GALNT2: variants seen among roughly 807,000 people sequenced by gnomAD.
GALNT2 encodes the protein UDP-GalNAc:polypeptide N-acetylgalactosaminyltransferase 2.
In GALNT2, 31 loss-of-function variants were observed where a neutral mutation model predicts 81.4. The observed-to-expected ratio is 0.38, with a 90% CI of 0.29 to 0.51. The LOEUF is 0.51. GALNT2 is among the 20% of genes least tolerant of loss of function. The pLI is 0.87. For missense variants in GALNT2, 629 were observed against 765.7 expected, an observed-to-expected ratio of 0.82 and a Z score of 2.11; for synonymous variants, 303 against 287.4, an observed-to-expected ratio of 1.05 and a Z score of -0.55.
rs890272166 is a variant in GALNT2 at position 230,281,132 on chromosome 1, G to A, written c.*1674G>A. The A allele has an allele frequency of 3.3e-5, 5 of 152,316 alleles. No homozygotes were observed. The highest frequency in any genetic ancestry group is 1.2e-4 in the African/African-American group (5 of 41,444). 9.4% of individuals were successfully genotyped at this position (152,316 alleles called of 1,614,324 possible). A position where few individuals can be genotyped will look rare whatever the true frequency, so the allele number is the denominator to read the frequency against. On this transcript the variant is annotated 3_prime_UTR_variant, in exon 16 of 16. Coordinates refer to ENST00000366672, the MANE Select transcript of GALNT2 (RefSeq NM_004481.5). ...GTTAGGAGCCACCCTGGGAGGTTGTGCCGGTGCCATGCTCCTCCCTGTGTC... is the reference window on the plus strand; with the variant it reads ...GTTAGGAGCCACCCTGGGAGGTTGTACCGGTGCCATGCTCCTCCCTGTGTC...
At chr1:230,163,585 A>G (rs1662504482) in intron 1 of GALNT2, among the ~76,000 whole-genome samples, 1 of 152,222 alleles carries the variant, frequency 6.6e-6, no homozygotes, top group Non-Finnish European at 1.5e-5. Flanking sequence ...GTGGATAGAA[A>G]ACATGGTTCC....
chr1:230,269,207 A>C, intron 14 of GALNT2, among the ~76,000 whole-genome samples: 1 of 109,422 alleles, frequency 9.1e-6, no homozygotes, highest in African/African-American at 3.9e-5. Flanking sequence ...TTTTTTTGAG[A>C]CGGAGTTTGG....
intron 1 of GALNT2, among the ~76,000 whole-genome samples, chr1:230,069,790 C>T (rs1659318355): frequency 2.8e-5 from 1 of 36,200 alleles, no homozygotes; most frequent in Non-Finnish European, 5.2e-5. Flanking sequence ...AATTTAAAAG[C>T]TAGCTATAGT....
intron 1 of GALNT2, among the ~76,000 whole-genome samples, chr1:230,087,877 T>C (rs1489580814): frequency 6.6e-6 from 1 of 152,220 alleles, no homozygotes; most frequent in African/African-American, 2.4e-5. Context: ...TACTGGACGA[T>C]GCTTTTAGCT....
At position 230,203,147 on chromosome 1, in the gene GALNT2, G is replaced by C. The variant is rs967239223; in HGVS notation, c.231G>C (p.Arg77=). 3 of 1,613,946 alleles carry C rather than the reference G, an allele frequency of 1.9e-6. No homozygotes were observed. The highest frequency in any genetic ancestry group is 1.7e-5 in the Admixed American group (1 of 60,022). The change falls in exon 3 of 16, where the codon CGG becomes CGC. Residue 77 remains arginine, a synonymous_variant. Transcript: ENST00000366672. Reference sequence around the variant, plus strand: ...CTCTGCTCTTTTTAGGGAAAGTACGGTGGCCAGACTTTAACCAGGAAGCTT... The same window carrying C: ...CTCTGCTCTTTTTAGGGAAAGTACGCTGGCCAGACTTTAACCAGGAAGCTT... ...SMETLPPGKV[R]WPDFNQEAYV...
rs78030300 is a variant in GALNT2, at chr1:230,274,404, C to T, written c.1441-41C>T. The T allele has an allele frequency of 6.4e-3, 10,238 of 1,602,746 alleles. 216 individuals are homozygous for T. The African/African-American group carries it at 0.064, about 10-fold the overall frequency. On this transcript the variant is annotated intron_variant, in intron 14 of 15. Transcript: ENST00000366672. Reference sequence around the variant, plus strand: ...ATGCCCCTTCTTTCCTTTCACAGCCCGGTGCATAGCACGCCTCTGACTTCT... The same window carrying T: ...ATGCCCCTTCTTTCCTTTCACAGCCTGGTGCATAGCACGCCTCTGACTTCT...
intron 1 of GALNT2, among the ~76,000 whole-genome samples, chr1:230,161,798 G>A (rs968104870): frequency 6.6e-6 from 1 of 152,154 alleles, no homozygotes; most frequent in Non-Finnish European, 1.5e-5. Flanking sequence ...GGCCATAACT[G>A]ATCTCATTAC....
At position 230,246,157 on chromosome 1, in the gene GALNT2, G is replaced by A. The variant is rs1019577400; in HGVS notation, c.817+7G>A. 5.0e-6 allele frequency: 8 copies of A among 1,606,440 alleles called. No homozygotes were observed. Among genetic ancestry groups the A allele is most frequent in the Non-Finnish European group, 6.8e-6 (8 of 1,173,018 alleles). On this transcript the variant is annotated splice_region_variant and intron_variant, in intron 8 of 15. Coordinates refer to ENST00000366672, the MANE Select transcript of GALNT2 (RefSeq NM_004481.5). ...TCTGCTGACTTGAAGGGCGGTAGGT[G>A]TCTGTCATGGTGCCCCTGCCTAGCT...
At chr1:230,088,787 T>C (rs113638586) in intron 1 of GALNT2, among the ~76,000 whole-genome samples, 4,337 of 152,184 alleles carry the variant, frequency 0.028, 96 homozygotes, top group South Asian at 0.065. Flanking sequence ...TCCACCTGCC[T>C]CAGCCTTCCA....
chr1:230,107,575 T>TA (rs5781564), intron 1 of GALNT2, among the ~76,000 whole-genome samples: 59,529 of 145,830 alleles, frequency 0.41, 12,040 homozygotes, highest in South Asian at 0.52. Context: ...GCAAGAATGT[T>TA]AAAAAAAAAA....
intron 4 of GALNT2, 44 bp downstream of exon 4, chr1:230,236,156 T>C: frequency 1.3e-6 from 2 of 1,579,778 alleles, no homozygotes; most frequent in Non-Finnish European, 1.7e-6. Context: ...GTTAAGACAT[T>C]AGCTGTGTCC....
chr1:230,217,395 G>T (rs920154432), intron 3 of GALNT2, among the ~76,000 whole-genome samples: 1 of 152,206 alleles, frequency 6.6e-6, no homozygotes, highest in Admixed American at 6.5e-5. Context: ...AAGAGGTAGT[G>T]TGCCAGGCCT....
chr1:230,131,477 T>C (rs55921197), intron 1 of GALNT2, among the ~76,000 whole-genome samples: 21,121 of 152,228 alleles, frequency 0.14, 1,522 homozygotes, highest in South Asian at 0.23. Context: ...CTTTCATGTA[T>C]TGATTTATGA....
At chr1:230,160,339 G>A (rs996117656) in intron 1 of GALNT2, among the ~76,000 whole-genome samples, 3 of 152,286 alleles carry the variant, frequency 2.0e-5, no homozygotes, top group East Asian at 3.9e-4. Context: ...TAGGAAGGGC[G>A]TTGGACGTGG....
At chr1:230,085,638 A>G (rs1268904606) in intron 1 of GALNT2, among the ~76,000 whole-genome samples, 1 of 152,182 alleles carries the variant, frequency 6.6e-6, no homozygotes, top group African/African-American at 2.4e-5. Flanking sequence ...TCATCACTGG[A>G]AAATGGTTCT....
intron 3 of GALNT2, among the ~76,000 whole-genome samples, chr1:230,212,959 T>G (rs1664279386): frequency 6.6e-6 from 1 of 152,218 alleles, no homozygotes; most frequent in African/African-American, 2.4e-5. Context: ...TGTGTCGATG[T>G]TGGCATCTCT....
intron 6 of GALNT2, among the ~76,000 whole-genome samples, chr1:230,240,300 G>A (rs1665159446): frequency 6.6e-6 from 1 of 152,116 alleles, no homozygotes; most frequent in South Asian, 2.1e-4. Flanking sequence ...GCACTTTAAA[G>A]GTTTCACTCC....
At chr1:230,086,994 A>G (rs1192041550) in intron 1 of GALNT2, among the ~76,000 whole-genome samples, 1 of 152,224 alleles carries the variant, frequency 6.6e-6, no homozygotes, top group South Asian at 2.1e-4. Flanking sequence ...AGGGTTCAAC[A>G]AGATGTTGCC....
chr1:230,197,390 TAAAG>T (rs1283308587), intron 2 of GALNT2, among the ~76,000 whole-genome samples: 3 of 152,032 alleles, frequency 2.0e-5, no homozygotes, highest in African/African-American at 4.8e-5. Context: ...AGGACCCCCA[TAAAG>T]AAAGCAGGGA....
Sources: allele counts gnomAD v4.1 joint callset (sites outside exome capture counted in the v4.1 genomes callset), GRCh38; gene constraint gnomAD v4.1.1; transcripts MANE v1.5; gene names NCBI Gene and HGNC (gene_info 2026-07-23, HGNC 2026-07-21).